The following JSRP1 variants were observed in gnomAD, a reference collection of about 807,000 sequenced individuals.
The protein encoded by JSRP1 is junctional sarcoplasmic reticulum protein 1.
In JSRP1, 29 loss-of-function variants were observed where a neutral mutation model predicts 21.4. The ratio of observed to expected loss-of-function variants is 1.36; its 90% CI spans 1.01 to 1.85. The LOEUF (loss-of-function observed/expected upper bound fraction) is 1.85, where lower values mean the gene tolerates loss of function less well. JSRP1 is among the 40% of genes most tolerant of loss of function. JSRP1 has a pLI of 0.00. For synonymous variants in JSRP1, 221 were observed against 206.1 expected, an observed-to-expected ratio of 1.07 and a Z score of -0.62; for missense variants, 531 against 461.5, an observed-to-expected ratio of 1.15 and a Z score of -1.38.
At chr19:2,255,978 C>T (rs1053681501) in intron 1 of JSRP1, among the ~76,000 whole-genome samples, 7 of 152,168 alleles carry the variant, frequency 4.6e-5, no homozygotes, top group African/African-American at 9.7e-5. Flanking sequence ...CACAGAGTAC[C>T]CTGCCTTGTC....
intron 5 of JSRP1, 65 bp downstream of exon 5, chr19:2,253,554 TC>T (rs1353811469): frequency 1.4e-5 from 19 of 1,358,876 alleles, no homozygotes; most frequent in Admixed American, 7.1e-5. Context: ...ACAGCGCCTT[TC>T]CTTGGAGGAA....
rs547544119 is a variant in JSRP1 at position 2,253,706 on chromosome 19, A to G, written c.350T>C (p.Leu117Pro). ...GTTGAGCGACAGGTCTCCCCAGGGCAGCTCCTCGCTCAGGGCCGGGGGCGG... is the reference window on the plus strand; with the variant it reads ...GTTGAGCGACAGGTCTCCCCAGGGCGGCTCCTCGCTCAGGGCCGGGGGCGG... ...PPPPPALSEE[L>P]PWGDLSLNKC... The change falls in exon 5 of 7, where the codon CTG (leucine) becomes CCG (proline). Residue 117 changes from leucine (L) to proline (P), a missense_variant. Leu to Pro is a moderately conservative substitution (Grantham distance 98, BLOSUM62 -3). Coordinates refer to ENST00000300961, the MANE Select transcript of JSRP1 (RefSeq NM_144616.4). 42 of 1,501,744 alleles carry G rather than the reference A, an allele frequency of 2.8e-5. No homozygotes were observed. In the African/African-American group the frequency reaches 5.8e-4, roughly 21 times the overall value. The allele number at this position is 1,501,744 out of a possible 1,614,324, so 93.0% of individuals were successfully genotyped here. A position where few individuals can be genotyped will look rare whatever the true frequency, so the allele number is the denominator to read the frequency against.
Position 2,252,881 on chromosome 19 carries a change from A to G in JSRP1, c.528+31T>C, listed in dbSNP as rs780786722. ...TCTTTCCTTGGGGATGAAGGTCCCAATGCCCGCGGTCAGTGGAAGGAAGCT... is the reference window on the plus strand; with the variant it reads ...TCTTTCCTTGGGGATGAAGGTCCCAGTGCCCGCGGTCAGTGGAAGGAAGCT... On this transcript the variant is annotated intron_variant, in intron 6 of 6. Transcript: ENST00000300961. 11 of 1,600,590 alleles carry G rather than the reference A, an allele frequency of 6.9e-6. No homozygotes were observed. The South Asian group carries it at 1.1e-4, about 16-fold the overall frequency.
chr19:2,255,169 A>C, intron 2 of JSRP1, 37 bp downstream of exon 2: 1 of 1,429,668 alleles, frequency 7.0e-7, no homozygotes, highest in South Asian at 1.2e-5. Flanking sequence ...GGGGACCATC[A>C]GGGAAGGGCT....
Position 2,252,448 on chromosome 19 carries a change from G to C in JSRP1, c.877C>G (p.Arg293Gly), listed in dbSNP as rs1416330787. The C allele has an allele frequency of 6.8e-6, 11 of 1,611,120 alleles. No individual in the cohort carries two copies. Among genetic ancestry groups the C allele is most frequent in the Non-Finnish European group, 8.5e-6 (10 of 1,179,648 alleles). The stretch of plus-strand genomic sequence containing the variant: ...CTGGGCTCGGCGTCCCTGGAGTCCC[G>C]TGCCCACGGCCGGTGGCCCCCTTCG... ...SREGGHRPWA[R>G]DSRDAEPRKK... The change falls in exon 7 of 7, where the codon CGG (arginine) becomes GGG (glycine). Residue 293 changes from arginine to glycine, a missense_variant. Physicochemically the swap from Arg to Gly is moderately radical, Grantham distance 125 (BLOSUM62 -2). Coordinates refer to ENST00000300961, the MANE Select transcript of JSRP1 (RefSeq NM_144616.4).
chr19:2,252,524 T>TGGCCTCTCCTCTTTCCGC lies in JSRP1; in HGVS notation c.783_800dup (p.Lys263_Arg268dup), dbSNP rs957212306. ...CTTCCCGGGGCTCCCTGGCGGCCCG[T>TGGCCTCTCCTCTTTCCGC]GGCCTCTCCTCTTTCCGCGGCCTCT... is the stretch of plus-strand genomic sequence containing the variant. On this transcript the variant is annotated inframe_insertion, in exon 7 of 7. Coordinates refer to ENST00000300961, the MANE Select transcript of JSRP1 (RefSeq NM_144616.4). The TGGCCTCTCCTCTTTCCGC allele has an allele frequency of 1.9e-6, 3 of 1,612,572 alleles. No homozygotes were observed. The highest frequency in any genetic ancestry group is 2.5e-6 in the Non-Finnish European group (3 of 1,179,890).
At chr19:2,253,068 C>A in intron 5 of JSRP1, 65 bp from the exon 6 acceptor site, 1 of 1,144,534 alleles carries the variant, frequency 8.7e-7, no homozygotes, top group Non-Finnish European at 1.3e-6. Flanking sequence ...GTCCATCCCT[C>A]CCTCACCCCT....
chr19:2,255,095 A>T, intron 2 of JSRP1, 111 bp downstream of exon 2: 1 of 682,776 alleles, frequency 1.5e-6, no homozygotes, highest in Non-Finnish European at 2.5e-6. Context: ...GGAGCACACT[A>T]TAAGCCAGTC....
At chr19:2,255,968 C>G (rs1443715263) in intron 1 of JSRP1, among the ~76,000 whole-genome samples, 1 of 152,172 alleles carries the variant, frequency 6.6e-6, no homozygotes, top group Non-Finnish European at 1.5e-5. Flanking sequence ...CTGATCCTGA[C>G]ACAGAGTACC....
chr19:2,252,909 T>TA lies in JSRP1; in HGVS notation c.528+2dup. ...CCCGCGGTCAGTGGAAGGAAGCTCT[T>TA]ACCAGGGGCGACGATGGCTCCCTCG... On this transcript the variant is annotated splice_region_variant and intron_variant, in intron 6 of 6. Transcript: ENST00000300961. The TA allele has an allele frequency of 6.2e-7, 1 of 1,609,242 alleles. No individual in the cohort carries two copies. Among genetic ancestry groups the TA allele is most frequent in the Non-Finnish European group, 8.5e-7 (1 of 1,177,950 alleles).
rs779195147 is a variant in JSRP1 at position 2,252,407 on chromosome 19, C to T, written c.918G>A (p.Trp306Ter). 2.6e-5 allele frequency: 41 copies of T among 1,606,154 alleles called. No individual in the cohort carries two copies. Among genetic ancestry groups the T allele is most frequent in the Non-Finnish European group, 3.1e-5 (37 of 1,178,402 alleles). ...CCTCGTCGGGACGCCTCGGGGACAC[C>T]CAGGCCTGCTTCTTCCTGGGCTCGG... The part of the protein sequence containing the change: ...RDAEPRKKQA[W>*]VSPRRPDEEQ... Residue 306 changes from tryptophan to a stop codon, truncating the protein, a stop_gained, in exon 7 of 7, where the codon TGG becomes TGA. Coordinates refer to ENST00000300961, the MANE Select transcript of JSRP1 (RefSeq NM_144616.4). LOFTEE classifies it low-confidence loss of function (END_TRUNC).
In JSRP1 at chr19:2,252,495, A is replaced by T. The variant is rs1568395975; in HGVS notation, c.830T>A (p.Leu277Gln). Residue 277 changes from leucine (L) to glutamine (Q), a missense_variant, in exon 7 of 7, where the codon CTA (leucine) becomes CAA (glutamine). By Grantham distance (113) the Leu-to-Gln change is moderately radical. Coordinates refer to ENST00000300961, the MANE Select transcript of JSRP1 (RefSeq NM_144616.4). ...TTCGCGTGACTCCCAGCGCTGGGGT[A>T]GGGCTTCCCGGGGCTCCCTGGCGGC... The part of the protein sequence containing the change: ...PRAAREPREA[L>Q]PQRWESREGG... 1.9e-6 allele frequency: 3 copies of T among 1,611,586 alleles called. No homozygotes were observed. Among genetic ancestry groups the T allele is most frequent in the South Asian group, 1.1e-5 (1 of 91,032 alleles).
chr19:2,254,504 C>A (rs762155248), intron 2 of JSRP1, 22 bp from the exon 3 acceptor site: 7 of 1,612,286 alleles, frequency 4.3e-6, no homozygotes, highest in Non-Finnish European at 5.9e-6. Context: ...CAGGCAGAGT[C>A]AAGGTTGTGG....
Position 2,254,213 on chromosome 19 carries a change from C to G in JSRP1, c.236G>C (p.Gly79Ala). The G allele has an allele frequency of 6.2e-7, 1 of 1,606,626 alleles. No individual in the cohort carries two copies. The highest frequency in any genetic ancestry group is 1.3e-5 in the African/African-American group (1 of 74,780). Residue 79 changes from glycine to alanine, a missense_variant, in exon 4 of 7, where the codon GGG becomes GCG. By Grantham distance (60) the Gly-to-Ala change is moderately conservative. Transcript: ENST00000300961. The stretch of plus-strand genomic sequence containing the variant: ...CGCTCCGGCTTTCAGCCTCTCCTTC[C>G]CCGTTCCTGGGGTCCCCCTGGCGGC... ...EPAARGTPGT[G>A]KERLKAGASP...
chr19:2,253,342 G>C (rs1360077669), intron 5 of JSRP1, among the ~76,000 whole-genome samples: 2 of 152,194 alleles, frequency 1.3e-5, no homozygotes, highest in Non-Finnish European at 2.9e-5. Flanking sequence ...GCGGCAGAAC[G>C]CTACGAGGCA....
At chr19:2,253,355 A>T (rs1356956746) in intron 5 of JSRP1, among the ~76,000 whole-genome samples, 1 of 152,126 alleles carries the variant, frequency 6.6e-6, no homozygotes, top group Non-Finnish European at 1.5e-5. Flanking sequence ...ACGAGGCAGG[A>T]GGGGTTGCAC....
At chr19:2,254,386 G>A (rs2025117686) in intron 3 of JSRP1, 59 bp downstream of exon 3, 33 of 1,608,418 alleles carry the variant, frequency 2.1e-5, no homozygotes, top group South Asian at 1.5e-4. Context: ...TCCCTTGGTC[G>A]GCTTGTCCCC....
Position 2,252,562 on chromosome 19 carries a change from TCTC to T in JSRP1, c.760_762del (p.Glu254del). On this transcript the variant is annotated inframe_deletion, in exon 7 of 7. Coordinates refer to ENST00000300961, the MANE Select transcript of JSRP1 (RefSeq NM_144616.4). ...TTCCGCGGCCTCTCTTTCTTAGGTC[TCTC>T]CTCCTTCCGCGGCTTCTCCTTCCGC... 2 of 1,612,828 alleles carry T rather than the reference TCTC, an allele frequency of 1.2e-6. No homozygotes were observed. Among genetic ancestry groups the T allele is most frequent in the Non-Finnish European group, 1.7e-6 (2 of 1,179,880 alleles).
chr19:2,255,147 C>T lies in JSRP1; in HGVS notation c.109+59G>A, dbSNP rs957549968. On this transcript the variant is annotated intron_variant, in intron 2 of 6. Transcript: ENST00000300961. The stretch of plus-strand genomic sequence containing the variant: ...GAAGCTCTAGTCTCTGAAGATGGGC[C>T]TCCTGGCTCAAGGGGACCATCAGGG... 11 of 1,198,826 alleles carry T rather than the reference C, an allele frequency of 9.2e-6. No homozygotes were observed. In the African/African-American group the frequency reaches 1.7e-4, roughly 18 times the overall value. The allele number at this position is 1,198,826 out of a possible 1,614,324, so 74.3% of individuals were successfully genotyped here. A position where few individuals can be genotyped will look rare whatever the true frequency, so the allele number is the denominator to read the frequency against.
Sources: gnomAD v4.1 joint callset for allele counts (sites outside exome capture counted in the v4.1 genomes callset) on GRCh38, gnomAD v4.1.1 for gene constraint, MANE v1.5 for transcripts, NCBI Gene and HGNC (gene_info 2026-07-23, HGNC 2026-07-21) for gene names.